The following ARIH1 variants were observed in gnomAD, a reference collection of about 807,000 sequenced individuals.
The protein encoded by ARIH1 is E3 ubiquitin-protein ligase ARIH1.
A neutral mutation model predicts 85.0 loss-of-function variants in ARIH1; 8 were observed. That is an observed-to-expected ratio of 0.09 (90% CI 0.06 to 0.17). The LOEUF is 0.17. Ranked by LOEUF, ARIH1 falls within the 10% of genes least tolerant of loss-of-function variation. ARIH1 has a pLI of 1.00. For missense variants in ARIH1, 311 were observed against 718.1 expected (o/e 0.43, Z 6.48); for synonymous variants, 238 against 253.6 (o/e 0.94, Z 0.59).
chr15:72,474,517 C>A lies in ARIH1; in HGVS notation c.-123C>A. 2 of 1,270,564 alleles carry A rather than the reference C, an allele frequency of 1.6e-6. No individual in the cohort carries two copies. Among genetic ancestry groups the A allele is most frequent in the Non-Finnish European group, 2.1e-6 (2 of 970,496 alleles). 78.7% of individuals were successfully genotyped at this position (1,270,564 alleles called of 1,614,324 possible). A position where few individuals can be genotyped will look rare whatever the true frequency, so the allele number is the denominator to read the frequency against. ...CCGCTCCTGGGGAGGAGCCGCGGCT[C>A]GCGGGGCCGGAGCCAGGCCTGCGTC... is the stretch of plus-strand genomic sequence containing the variant. On this transcript the variant is annotated 5_prime_UTR_variant, in exon 1 of 14. Transcript: ENST00000379887.
At chr15:72,547,946 G>A (rs1341555341) in intron 3 of ARIH1, among the ~76,000 whole-genome samples, 1 of 152,086 alleles carries the variant, frequency 6.6e-6, no homozygotes, top group Non-Finnish European at 1.5e-5. Flanking sequence ...CAACAAACTA[G>A]AATTCAAAAT....
chr15:72,547,926 C>CT (rs1361369001), intron 3 of ARIH1, among the ~76,000 whole-genome samples: 1 of 152,190 alleles, frequency 6.6e-6, no homozygotes, highest in Non-Finnish European at 1.5e-5. Context: ...TTAATATGGT[C>CT]TAACAATCTC....
At chr15:72,537,662 T>C (rs925152496) in intron 2 of ARIH1, among the ~76,000 whole-genome samples, 3 of 152,204 alleles carry the variant, frequency 2.0e-5, no homozygotes, top group African/African-American at 7.2e-5. Flanking sequence ...GTACATTTTC[T>C]AAAAGTAGAA....
At chr15:72,547,803 G>A (rs1453418747) in intron 3 of ARIH1, among the ~76,000 whole-genome samples, 1 of 152,124 alleles carries the variant, frequency 6.6e-6, no homozygotes, top group Non-Finnish European at 1.5e-5. Context: ...ACTTCTTGGC[G>A]TTTTTCCTCC....
chr15:72,498,961 ATTTTTTT>A (rs535261674), intron 1 of ARIH1, among the ~76,000 whole-genome samples: 3 of 88,444 alleles, frequency 3.4e-5, no homozygotes, highest in African/African-American at 1.4e-4. Context: ...CTTTTCATAA[ATTTTTTT>A]TTTTTTTTTT....
At chr15:72,538,788 A>C (rs2064094051) in intron 2 of ARIH1, among the ~76,000 whole-genome samples, 1 of 152,248 alleles carries the variant, frequency 6.6e-6, no homozygotes, top group Admixed American at 6.5e-5. Flanking sequence ...TTCTGTAAAT[A>C]TACTCAATGT....
In ARIH1 at chr15:72,474,350, T is replaced by A. The variant is rs1168500979; in HGVS notation, c.-290T>A. On this transcript the variant is annotated 5_prime_UTR_variant, in exon 1 of 14. Transcript: ENST00000379887. ...GGCTCAGTAGCGATAGCAGCGGCCG[T>A]GGAGGTGGCGTTGGGGACTGTTTTC... 2.5e-6 allele frequency: 1 copy of A among 404,684 alleles called. No homozygotes were observed. Among genetic ancestry groups the A allele is most frequent in the Non-Finnish European group, 4.5e-6 (1 of 224,684 alleles). 25.1% of individuals were successfully genotyped at this position (404,684 alleles called of 1,614,324 possible). A position where few individuals can be genotyped will look rare whatever the true frequency, so the allele number is the denominator to read the frequency against.
intron 2 of ARIH1, among the ~76,000 whole-genome samples, chr15:72,542,581 A>G (rs139849721): frequency 6.6e-6 from 1 of 152,226 alleles, no homozygotes; most frequent in South Asian, 2.1e-4. Context: ...CTACAGTGGA[A>G]TATTGTGCAA....
chr15:72,560,617 C>A (rs919856867), intron 5 of ARIH1, among the ~76,000 whole-genome samples: 1 of 152,118 alleles, frequency 6.6e-6, no homozygotes, highest in Non-Finnish European at 1.5e-5. Flanking sequence ...TTATGCACAG[C>A]CTCTGAGGAA....
chr15:72,590,943 C>G lies in ARIH1; in HGVS notation c.*7651C>G, dbSNP rs1276745112. On this transcript the variant is annotated 3_prime_UTR_variant, in exon 14 of 14. Transcript: ENST00000379887. ...GTGCTCATAGAAATATAAAACAAGG[C>G]TGGGCATGGCGGCTTACACCTTGTA... The G allele has an allele frequency of 1.3e-5, 2 of 152,072 alleles. No homozygotes were observed. Among genetic ancestry groups the G allele is most frequent in the Non-Finnish European group, 2.9e-5 (2 of 68,012 alleles). The allele number at this position is 152,072 out of a possible 1,614,324, so 9.4% of individuals were successfully genotyped here.
chr15:72,529,224 T>C (rs1481009750), intron 2 of ARIH1, among the ~76,000 whole-genome samples: 1 of 151,800 alleles, frequency 6.6e-6, no homozygotes, highest in Non-Finnish European at 1.5e-5. Context: ...ATGTACTATC[T>C]CATTATAGTA....
At chr15:72,484,089 CT>C (rs2140392303) in intron 1 of ARIH1, among the ~76,000 whole-genome samples, 1 of 150,848 alleles carries the variant, frequency 6.6e-6, no homozygotes, top group African/African-American at 2.4e-5. Flanking sequence ...AGGAGAATCA[CT>C]TGAACCCAGG....
chr15:72,491,625 G>GTGAAT (rs2063859762), intron 1 of ARIH1, among the ~76,000 whole-genome samples: 1 of 151,680 alleles, frequency 6.6e-6, no homozygotes, highest in Non-Finnish European at 1.5e-5. Flanking sequence ...TTTTTCCTTT[G>GTGAAT]TGAATTGTTC....
intron 11 of ARIH1, 102 bp from the exon 12 acceptor site, chr15:72,580,629 A>C (rs1004981448): frequency 9.4e-7 from 1 of 1,065,440 alleles, no homozygotes; most frequent in African/African-American, 1.6e-5. Flanking sequence ...CCATTCTAAC[A>C]GGTGTGAAGT....
chr15:72,532,110 A>G (rs931241880), intron 2 of ARIH1, among the ~76,000 whole-genome samples: 2 of 152,142 alleles, frequency 1.3e-5, no homozygotes, highest in Non-Finnish European at 2.9e-5. Context: ...AGAAATAAAG[A>G]ACAGAATATA....
chr15:72,533,321 G>C (rs35712178), intron 2 of ARIH1, among the ~76,000 whole-genome samples: 6,321 of 152,212 alleles, frequency 0.042, 177 homozygotes, highest in East Asian at 0.1. Context: ...GTAGAGATGG[G>C]GTTTCACCAT....
At chr15:72,513,642 A>G (rs1000114939) in intron 1 of ARIH1, among the ~76,000 whole-genome samples, 4 of 150,048 alleles carry the variant, frequency 2.7e-5, no homozygotes, top group African/African-American at 9.8e-5. Context: ...AGAATTTCTT[A>G]TAGCTTTTCT....
intron 1 of ARIH1, among the ~76,000 whole-genome samples, chr15:72,508,114 T>A (rs926911787): frequency 4.6e-5 from 7 of 152,220 alleles, no homozygotes; most frequent in African/African-American, 1.7e-4. Context: ...TGGTATTTTT[T>A]AAGTTCCTCA....
At position 72,584,451 on chromosome 15, in the gene ARIH1, T is replaced by A. The variant is rs1167125734; in HGVS notation, c.*1159T>A. ...TACTTTTTGGTTTTCCCTTAATTGC[T>A]GCTTTTCAGATTTTAGTTATGGCTC... On this transcript the variant is annotated 3_prime_UTR_variant, in exon 14 of 14. Coordinates refer to ENST00000379887, the MANE Select transcript of ARIH1 (RefSeq NM_005744.5). The A allele has an allele frequency of 6.6e-6, 1 of 152,236 alleles. No homozygotes were observed. Among genetic ancestry groups the A allele is most frequent in the Non-Finnish European group, 1.5e-5 (1 of 68,054 alleles). The allele number at this position is 152,236 out of a possible 1,614,324, so 9.4% of individuals were successfully genotyped here. A position where few individuals can be genotyped will look rare whatever the true frequency, so the allele number is the denominator to read the frequency against.
Sources: allele counts gnomAD v4.1 joint callset (sites outside exome capture counted in the v4.1 genomes callset), GRCh38; gene constraint gnomAD v4.1.1; transcripts MANE v1.5; gene names NCBI Gene and HGNC (gene_info 2026-07-23, HGNC 2026-07-21).